TNFAIP3: variants seen among roughly 807,000 people sequenced by gnomAD.
TNFAIP3 encodes the protein TNF alpha induced protein 3.
In TNFAIP3, 9 loss-of-function variants were observed where a neutral mutation model predicts 72.4. That is an observed-to-expected ratio of 0.12 (90% CI 0.07 to 0.22). TNFAIP3 has a LOEUF of 0.22. Among genes scored for constraint, TNFAIP3 ranks in the 10% least tolerant of loss-of-function variants. TNFAIP3 has a pLI of 1.00. For synonymous variants in TNFAIP3, 339 were observed against 372.6 expected (o/e 0.91, Z 1.04); for missense variants, 833 against 1,018.7 (o/e 0.82, Z 2.48).
Position 137,881,791 on chromosome 6 carries a change from G to A in TNFAIP3, c.*472G>A, listed in dbSNP as rs1025160748. On this transcript the variant is annotated 3_prime_UTR_variant, in exon 9 of 9. Coordinates refer to ENST00000612899, the MANE Select transcript of TNFAIP3 (RefSeq NM_001270508.2). This position sits in a 1 kb window ranked among gnomAD's most constrained non-coding sequence, Gnocchi z 5.0. ...GAAGCCAGATCCTCATGGCAGCGAG[G>A]CCCTCTGCAAGAAGCTCAAGGAAGC... is the stretch of plus-strand genomic sequence containing the variant. The A allele has an allele frequency of 1.7e-5, 4 of 235,240 alleles. No individual in the cohort carries two copies. Among genetic ancestry groups the A allele is most frequent in the Non-Finnish European group, 3.3e-5 (4 of 119,558 alleles). The allele number at this position is 235,240 out of a possible 1,614,324, so 14.6% of individuals were successfully genotyped here. A position where few individuals can be genotyped will look rare whatever the true frequency, so the allele number is the denominator to read the frequency against.
chr6:137,870,063 C>T (rs1161429434), intron 1 of TNFAIP3, among the ~76,000 whole-genome samples: 1 of 152,178 alleles, frequency 6.6e-6, no homozygotes, highest in Non-Finnish European at 1.5e-5. Context: ...CCAGAGTGGC[C>T]TCCTGGTGGA....
At chr6:137,866,805 C>A (rs1312687379), upstream of TNFAIP3, 2 of 152,382 alleles carry the variant, frequency 1.3e-5, no homozygotes, top group Non-Finnish European at 2.9e-5. Flanking sequence ...GCCCGGGCGC[C>A]AGGGTGGTTT....
chr6:137,869,033 C>T (rs1413466634), intron 1 of TNFAIP3, among the ~76,000 whole-genome samples: 3 of 152,210 alleles, frequency 2.0e-5, no homozygotes, highest in African/African-American at 7.2e-5. Context: ...TTAAAATCTT[C>T]CTACTGCCCA....
In TNFAIP3 at chr6:137,882,964, C is replaced by T. The variant is rs890233768; in HGVS notation, c.*1645C>T. Reference sequence around the variant, plus strand: ...GCCTGAAAATATTTGTGATCCATAACTCTACACAGCCTTTACTCATACTAT... The same window carrying T: ...GCCTGAAAATATTTGTGATCCATAATTCTACACAGCCTTTACTCATACTAT... On this transcript the variant is annotated 3_prime_UTR_variant, in exon 9 of 9. Coordinates refer to ENST00000612899, the MANE Select transcript of TNFAIP3 (RefSeq NM_001270508.2). 8 of 223,954 alleles carry T rather than the reference C, an allele frequency of 3.6e-5. No individual in the cohort carries two copies. Among genetic ancestry groups the T allele is most frequent in the Non-Finnish European group, 7.1e-5 (8 of 112,522 alleles). The allele number at this position is 223,954 out of a possible 1,614,324, so 13.9% of individuals were successfully genotyped here.
In TNFAIP3 at chr6:137,874,850, G is replaced by A. The variant is rs1409953541; in HGVS notation, c.301G>A (p.Gly101Ser). ...CTCCTCCTTTCTGTCCTCAGGTGAC[G>A]GCAATTGCCTCATGCATGCCACTTC... is the stretch of plus-strand genomic sequence containing the variant. ...KLVALKTNGD[G>S]NCLMHATSQY... Residue 101 changes from glycine (G) to serine (S), a missense_variant, in exon 3 of 9, where the codon GGC becomes AGC. By Grantham distance (56) the Gly-to-Ser change is moderately conservative. Around this residue, in one of 2 missense-constraint regions of TNFAIP3, gnomAD observed 246 missense variants for 360.9 expected, o/e 0.68. Transcript: ENST00000612899. 11 of 1,612,530 alleles carry A rather than the reference G, an allele frequency of 6.8e-6. No individual in the cohort carries two copies. Among genetic ancestry groups the A allele is most frequent in the South Asian group, 1.1e-5 (1 of 90,962 alleles).
rs745973283 is a variant in TNFAIP3 at position 137,879,120 on chromosome 6, T to G, written c.1675T>G (p.Cys559Gly). 37 of 1,614,038 alleles carry G rather than the reference T, an allele frequency of 2.3e-5. No individual in the cohort carries two copies. The highest frequency in any genetic ancestry group is 1.7e-5 in the Admixed American group (1 of 59,998). The change falls in exon 7 of 9, where the codon TGT (cysteine) becomes GGT (glycine). Residue 559 changes from cysteine (C) to glycine (G), a missense_variant. Cys to Gly is a radical substitution (Grantham distance 159). Around this residue, in one of 2 missense-constraint regions of TNFAIP3, gnomAD observed 587 missense variants for 657.8 expected, o/e 0.89. Transcript: ENST00000612899. ...CCTCAGCACCAGCCTCCCTCCTTCC[T>G]GTCACCAGCGTTCCAAGTCAGATCC... ...SSLSTSLPPS[C>G]HQRSKSDPSR...
chr6:137,874,091 G>GT (rs1348048554), intron 2 of TNFAIP3, among the ~76,000 whole-genome samples: 1 of 152,110 alleles, frequency 6.6e-6, no homozygotes, highest in Non-Finnish European at 1.5e-5. Context: ...AATTAAACCT[G>GT]TTTTTTTGTT....
In TNFAIP3 at chr6:137,881,451, T is replaced by A; in HGVS notation, c.*132T>A. The A allele has an allele frequency of 1.2e-6, 1 of 830,264 alleles. No homozygotes were observed. Among genetic ancestry groups the A allele is most frequent in the Non-Finnish European group, 1.8e-6 (1 of 552,410 alleles). 51.4% of individuals were successfully genotyped at this position (830,264 alleles called of 1,614,324 possible). On this transcript the variant is annotated 3_prime_UTR_variant, in exon 9 of 9. Transcript: ENST00000612899. The surrounding 1 kb of genome is among the most constrained non-coding windows in gnomAD (Gnocchi z 5.0). ...GGGTGTCTGAGCAGGAGAGGAAAGA[T>A]AAGCTCTTCGTGGTGCCCACGATGC...
chr6:137,874,752 T>C (rs772485581), intron 2 of TNFAIP3, 93 bp from the exon 3 acceptor site: 38 of 1,251,722 alleles, frequency 3.0e-5, no homozygotes, highest in Non-Finnish European at 4.1e-5. Flanking sequence ...TCCCCTAGAA[T>C]AGCAGTAGGG....
intron 3 of TNFAIP3, 52 bp downstream of exon 3, chr6:137,875,087 GGT>G (rs764697710): frequency 6.2e-7 from 1 of 1,602,796 alleles, no homozygotes; most frequent in South Asian, 1.1e-5. Context: ...GTGGGCATAG[GGT>G]ACCCCTGGGC....
intron 8 of TNFAIP3, 104 bp from the exon 9 acceptor site, chr6:137,880,931 T>C: frequency 7.7e-7 from 1 of 1,305,166 alleles, no homozygotes; most frequent in Non-Finnish European, 1.1e-6. Flanking sequence ...GTAAAGCTCT[T>C]TGTAGACTCC....
chr6:137,866,624 C>G (rs1157522669), upstream of TNFAIP3: 2 of 152,400 alleles, frequency 1.3e-5, no homozygotes, highest in Non-Finnish European at 2.9e-5. Flanking sequence ...CTGGGACCTA[C>G]GTCTCATGCA....
At position 137,882,988 on chromosome 6, in the gene TNFAIP3, A is replaced by G. The variant is rs964954971; in HGVS notation, c.*1669A>G. 5.4e-5 allele frequency: 12 copies of G among 223,402 alleles called. No individual in the cohort carries two copies. The highest frequency in any genetic ancestry group is 1.1e-4 in the Non-Finnish European group (12 of 112,206). 13.8% of individuals were successfully genotyped at this position (223,402 alleles called of 1,614,324 possible). A position where few individuals can be genotyped will look rare whatever the true frequency, so the allele number is the denominator to read the frequency against. On this transcript the variant is annotated 3_prime_UTR_variant, in exon 9 of 9. Transcript: ENST00000612899. ...ACTCTACACAGCCTTTACTCATACT[A>G]TTAGGCACACTTTCCCCTTAGAGCC...
At chr6:137,870,208 A>C (rs900439678) in intron 1 of TNFAIP3, among the ~76,000 whole-genome samples, 5 of 152,174 alleles carry the variant, frequency 3.3e-5, no homozygotes, top group Non-Finnish European at 7.4e-5. Flanking sequence ...TTTCATTGGC[A>C]GTTGAGTTAA....
Position 137,879,297 on chromosome 6 carries a change from C to T in TNFAIP3, c.1852C>T (p.Pro618Ser), listed in dbSNP as rs1259241302. The T allele has an allele frequency of 6.2e-6, 10 of 1,614,038 alleles. 1 individual carries two copies. The East Asian group carries it at 8.9e-5, about 14-fold the overall frequency. The change falls in exon 7 of 9, where the codon CCA (proline) becomes TCA (serine). Residue 618 changes from proline to serine, a missense_variant. Pro to Ser is a moderately conservative substitution (Grantham distance 74). Around this residue, in one of 2 missense-constraint regions of TNFAIP3, gnomAD observed 587 missense variants for 657.8 expected, o/e 0.89. Transcript: ENST00000612899. ...AGCCGGCTGCGTGTATTTTGGGACT[C>T]CAGAAAACAAGGGCTTTTGCACACT... Reference protein sequence around the residue: ...RKAGCVYFGTPENKGFCTLCF... With the variant: ...RKAGCVYFGTSENKGFCTLCF...
Position 137,881,206 on chromosome 6 carries a change from C to A in TNFAIP3, c.2260C>A (p.Pro754Thr), listed in dbSNP as rs779794658. The stretch of plus-strand genomic sequence containing the variant: ...TGGGGCCCACCGGGGTGAGCCTGCC[C>A]CCGAAGACCCCCCCAAGCAGCGTTG... ...GPGAHRGEPA[P>T]EDPPKQRCRA... The change falls in exon 9 of 9, where the codon CCC becomes ACC. Residue 754 changes from proline (P) to threonine (T), a missense_variant. By Grantham distance (38) the Pro-to-Thr change is conservative. Transcript: ENST00000612899. The surrounding 1 kb of genome is among the most constrained non-coding windows in gnomAD (Gnocchi z 5.0). 1.9e-6 allele frequency: 3 copies of A among 1,613,078 alleles called. No homozygotes were observed. The highest frequency in any genetic ancestry group is 2.5e-6 in the Non-Finnish European group (3 of 1,179,648).
At chr6:137,869,844 T>C (rs1210816676) in intron 1 of TNFAIP3, among the ~76,000 whole-genome samples, 2 of 152,230 alleles carry the variant, frequency 1.3e-5, no homozygotes, top group East Asian at 3.8e-4. Flanking sequence ...TGAAATTTCC[T>C]AGGGAATGTC....
chr6:137,877,073 TAGAAA>T lies in TNFAIP3; in HGVS notation c.806-2_808del. On this transcript the variant is annotated splice_acceptor_variant and coding_sequence_variant, in exon 6 of 9. Coordinates refer to ENST00000612899, the MANE Select transcript of TNFAIP3 (RefSeq NM_001270508.2). LOFTEE classifies it high-confidence loss of function. ...TTTACTTATGTATTATTTTTTTCCT[TAGAAA>T]TCCGAGCTGTTCCACTTGTTAACAG... 1 of 1,582,024 alleles carries T rather than the reference TAGAAA, an allele frequency of 6.3e-7. No individual in the cohort carries two copies. The highest frequency in any genetic ancestry group is 8.6e-7 in the Non-Finnish European group (1 of 1,163,840).
intron 7 of TNFAIP3, 64 bp from the exon 8 acceptor site, chr6:137,880,007 T>C (rs1582895356): frequency 6.9e-7 from 1 of 1,457,606 alleles, no homozygotes; most frequent in East Asian, 2.3e-5. Flanking sequence ...TTCTCTACTG[T>C]CAGCATCTCT....
Sources: gnomAD v4.1 joint callset for allele counts (sites outside exome capture counted in the v4.1 genomes callset) on GRCh38, gnomAD v4.1.1 for gene constraint, gnomAD v4.1.1 regional missense constraint, Gnocchi (gnomAD v3.1) non-coding constraint, MANE v1.5 for transcripts, NCBI Gene and HGNC (gene_info 2026-07-23, HGNC 2026-07-21) for gene names.